Variants in WNT3A observed in about 807,000 individuals in gnomAD.
The protein encoded by WNT3A is protein Wnt-3a.
A neutral mutation model predicts 37.0 loss-of-function variants in WNT3A; 17 were observed. That is an observed-to-expected ratio of 0.46 (90% CI 0.31 to 0.69). WNT3A has a LOEUF of 0.69. Among genes scored for constraint, WNT3A ranks in the 30% least tolerant of loss-of-function variants. The pLI, the probability that WNT3A is intolerant of heterozygous loss-of-function variation, is 0.05. For synonymous variants in WNT3A, 187 were observed against 211.0 expected (o/e 0.89, Z 0.99); for missense variants, 411 against 510.2 (o/e 0.81, Z 1.87).
intron 1 of WNT3A, among the ~76,000 whole-genome samples, chr1:228,020,439 C>A (rs1225622868): frequency 1.3e-5 from 2 of 152,240 alleles, no homozygotes; most frequent in Non-Finnish European, 2.9e-5. Context: ...CAGTCCAGGT[C>A]ACAGACAGCT....
chr1:228,038,865 G>A lies in WNT3A; in HGVS notation c.314-11791G>A, dbSNP rs1030306774. On this transcript the variant is annotated intron_variant, in intron 2 of 3. Transcript: ENST00000284523. The surrounding 1 kb of genome is among the most constrained non-coding windows in gnomAD (Gnocchi z 5.7). ...GGCAGGGGGAAGGCCTGTGGGGTGG[G>A]GCATTTGCCCTGCAGACCTGGGGAG... Among the ~76,000 whole-genome samples, 5 of 152,214 alleles carry A rather than the reference G, an allele frequency of 3.3e-5. No homozygotes were observed. Among genetic ancestry groups the A allele is most frequent in the Non-Finnish European group, 5.9e-5 (4 of 68,036 alleles).
chr1:228,060,360 C>G lies in WNT3A; in HGVS notation c.*895C>G. 1 of 1,293,220 alleles carries G rather than the reference C, an allele frequency of 7.7e-7. No homozygotes were observed. 80.1% of individuals were successfully genotyped at this position (1,293,220 alleles called of 1,614,324 possible). A position where few individuals can be genotyped will look rare whatever the true frequency, so the allele number is the denominator to read the frequency against. ...GGATCCGAGGGCCCCTCTCCAAGCG[C>G]CTGGCTTTGGAATGCTCCAGGCGCG... On this transcript the variant is annotated 3_prime_UTR_variant, in exon 4 of 4. Transcript: ENST00000284523.
chr1:228,050,572 G>A lies in WNT3A; in HGVS notation c.314-84G>A. 1 of 1,480,788 alleles carries A rather than the reference G, an allele frequency of 6.8e-7. No homozygotes were observed. The highest frequency in any genetic ancestry group is 1.4e-5 in the African/African-American group (1 of 71,180). 91.7% of individuals were successfully genotyped at this position (1,480,788 alleles called of 1,614,324 possible). ...ACCTCACGAGTTCCTTTATAACAATGCAAATGGGCTAAGACCCCTGACCTG... is the reference window on the plus strand; with the variant it reads ...ACCTCACGAGTTCCTTTATAACAATACAAATGGGCTAAGACCCCTGACCTG... On this transcript the variant is annotated intron_variant, in intron 2 of 3. Coordinates refer to ENST00000284523, the MANE Select transcript of WNT3A (RefSeq NM_033131.4). This position sits in a 1 kb window ranked among gnomAD's most constrained non-coding sequence, Gnocchi z 5.0.
intron 1 of WNT3A, among the ~76,000 whole-genome samples, chr1:228,013,150 C>T (rs1027078590): frequency 6.6e-6 from 1 of 152,200 alleles, no homozygotes; most frequent in Non-Finnish European, 1.5e-5. Flanking sequence ...TGGGCTCCAG[C>T]AGTCCTCCCA....
intron 2 of WNT3A, among the ~76,000 whole-genome samples, chr1:228,036,700 C>T (rs2031152070): frequency 6.6e-6 from 1 of 152,188 alleles, no homozygotes; most frequent in Non-Finnish European, 1.5e-5. Flanking sequence ...TGCCGCAGGA[C>T]CCAGGCACTG....
At chr1:228,033,848 T>C (rs868607003) in intron 2 of WNT3A, among the ~76,000 whole-genome samples, 26 of 152,234 alleles carry the variant, frequency 1.7e-4, no homozygotes, top group African/African-American at 6.0e-4. Flanking sequence ...GTTTTCAGCA[T>C]ACAAATCTTG....
chr1:228,037,979 A>G lies in WNT3A; in HGVS notation c.314-12677A>G, dbSNP rs1373284014. Among the ~76,000 whole-genome samples, 1 of 152,204 alleles carries G rather than the reference A, an allele frequency of 6.6e-6. No individual in the cohort carries two copies. Among genetic ancestry groups the G allele is most frequent in the Non-Finnish European group, 1.5e-5 (1 of 68,020 alleles). Reference sequence around the variant, plus strand: ...TCACCGACTAGGGGGAAATTCATATAAAATATCGCCGGCCATTGTGGGCCT... The same window carrying G: ...TCACCGACTAGGGGGAAATTCATATGAAATATCGCCGGCCATTGTGGGCCT... On this transcript the variant is annotated intron_variant, in intron 2 of 3. Transcript: ENST00000284523. The surrounding 1 kb of genome is among the most constrained non-coding windows in gnomAD (Gnocchi z 4.1).
chr1:228,014,661 G>A (rs1232068641), intron 1 of WNT3A, among the ~76,000 whole-genome samples: 1 of 152,214 alleles, frequency 6.6e-6, no homozygotes. Context: ...GTGCCGCCAC[G>A]TAAGATGGGA....
At chr1:228,044,879 G>T (rs1414411020) in intron 2 of WNT3A, among the ~76,000 whole-genome samples, 1 of 152,236 alleles carries the variant, frequency 6.6e-6, no homozygotes, top group African/African-American at 2.4e-5. Context: ...AGCCTCGGAT[G>T]GGGGTGTCTG....
rs962704823 is a variant in WNT3A, at chr1:228,045,544, G to T, written c.314-5112G>T. ...CCTGAGTCCTTTAAAGACAAGAACA[G>T]GCGCTCAGGCCTGGAGGCTTAGAGA... On this transcript the variant is annotated intron_variant, in intron 2 of 3. Coordinates refer to ENST00000284523, the MANE Select transcript of WNT3A (RefSeq NM_033131.4). Among the ~76,000 whole-genome samples the T allele has an allele frequency of 3.9e-5, 6 of 152,324 alleles. No individual in the cohort carries two copies. In the South Asian group the frequency reaches 1.2e-3, roughly 32 times the overall value.
At chr1:228,047,204 G>A (rs145808047) in intron 2 of WNT3A, among the ~76,000 whole-genome samples, 77 of 152,292 alleles carry the variant, frequency 5.1e-4, no homozygotes, top group African/African-American at 1.7e-3. Context: ...TGGATGCAGT[G>A]GGTGTCCAGG....
rs959172720 is a variant in WNT3A, at chr1:228,037,829, G to A, written c.314-12827G>A. Among the ~76,000 whole-genome samples the A allele has an allele frequency of 4.6e-5, 7 of 152,236 alleles. No individual in the cohort carries two copies. Among genetic ancestry groups the A allele is most frequent in the African/African-American group, 1.7e-4 (7 of 41,468 alleles). ...GCACAAGGGGAGAGTGCAAATGCGCGGGCGGTTCACACGCCCTTCGCGGTG... is the reference window on the plus strand; with the variant it reads ...GCACAAGGGGAGAGTGCAAATGCGCAGGCGGTTCACACGCCCTTCGCGGTG... On this transcript the variant is annotated intron_variant, in intron 2 of 3. Coordinates refer to ENST00000284523, the MANE Select transcript of WNT3A (RefSeq NM_033131.4). The surrounding 1 kb of genome is among the most constrained non-coding windows in gnomAD (Gnocchi z 4.1).
rs1055482445 is a variant in WNT3A, at chr1:228,042,773, A to G, written c.314-7883A>G. Among the ~76,000 whole-genome samples, 1 of 151,458 alleles carries G rather than the reference A, an allele frequency of 6.6e-6. No individual in the cohort carries two copies. Among genetic ancestry groups the G allele is most frequent in the Non-Finnish European group, 1.5e-5 (1 of 67,860 alleles). ...TGAATGGATGAATGGTGGATGATGG[A>G]TGATAGATGGATGATGGATAGATGT... On this transcript the variant is annotated intron_variant, in intron 2 of 3. Transcript: ENST00000284523. The surrounding 1 kb of genome is among the most constrained non-coding windows in gnomAD (Gnocchi z 5.2).
At chr1:228,047,306 CA>C (rs2031444824) in intron 2 of WNT3A, among the ~76,000 whole-genome samples, 1 of 152,192 alleles carries the variant, frequency 6.6e-6, no homozygotes, top group Non-Finnish European at 1.5e-5. Flanking sequence ...TCAACCAAAG[CA>C]GGCCCGAGGG....
chr1:228,050,943 G>GT lies in WNT3A; in HGVS notation c.579+23dup. The GT allele has an allele frequency of 6.6e-7, 1 of 1,513,634 alleles. No homozygotes were observed. Among genetic ancestry groups the GT allele is most frequent in the East Asian group, 2.3e-5 (1 of 43,796 alleles). The allele number at this position is 1,513,634 out of a possible 1,614,324, so 93.8% of individuals were successfully genotyped here. A position where few individuals can be genotyped will look rare whatever the true frequency, so the allele number is the denominator to read the frequency against. ...CCAGGTAGGTTCGCCGCCCGCAAGG[G>GT]TGCTTGGGAAAAAGGAGCCTCCTCA... On this transcript the variant is annotated intron_variant, in intron 3 of 3. Transcript: ENST00000284523. The surrounding 1 kb of genome is among the most constrained non-coding windows in gnomAD (Gnocchi z 5.0).
At chr1:228,009,055 C>G (rs976757118) in intron 1 of WNT3A, among the ~76,000 whole-genome samples, 4 of 152,260 alleles carry the variant, frequency 2.6e-5, no homozygotes, top group African/African-American at 9.6e-5. Flanking sequence ...CACAGGGAAG[C>G]GGGGCATAGA....
chr1:228,045,781 C>T (rs1035372324), intron 2 of WNT3A, among the ~76,000 whole-genome samples: 1 of 152,164 alleles, frequency 6.6e-6, no homozygotes, highest in Non-Finnish European at 1.5e-5. Context: ...CATGATGGGC[C>T]TGGGTGCCTT....
chr1:228,032,791 A>G lies in WNT3A; in HGVS notation c.313+9883A>G, dbSNP rs185973987. Among the ~76,000 whole-genome samples the G allele has an allele frequency of 4.9e-4, 74 of 152,286 alleles. 1 individual carries two copies. The highest frequency in any genetic ancestry group is 4.8e-3 in the Admixed American group (74 of 15,298). ...TGCACCATTTTACATTCCCATCAGC[A>G]GGATCTGAGGATTCTGATTTCTGCA... On this transcript the variant is annotated intron_variant, in intron 2 of 3. Transcript: ENST00000284523.
chr1:228,060,118 A>C lies in WNT3A; in HGVS notation c.*653A>C. The C allele has an allele frequency of 7.6e-7, 1 of 1,312,032 alleles. No homozygotes were observed. Among genetic ancestry groups the C allele is most frequent in the Non-Finnish European group, 1.0e-6 (1 of 1,001,184 alleles). 81.3% of individuals were successfully genotyped at this position (1,312,032 alleles called of 1,614,324 possible). On this transcript the variant is annotated 3_prime_UTR_variant, in exon 4 of 4. Coordinates refer to ENST00000284523, the MANE Select transcript of WNT3A (RefSeq NM_033131.4). ...CTGTGGGTGGGGCTTCTCTGGGACC[A>C]GGCTCCAATGGGGCGGGGCTTCTCT...
Sources: gnomAD v4.1 joint callset for allele counts (sites outside exome capture counted in the v4.1 genomes callset) on GRCh38, gnomAD v4.1.1 for gene constraint, Gnocchi (gnomAD v3.1) non-coding constraint, MANE v1.5 for transcripts, NCBI Gene and HGNC (gene_info 2026-07-23, HGNC 2026-07-21) for gene names.